The following SYNRG variants were observed in gnomAD, a reference collection of about 807,000 sequenced individuals.
SYNRG encodes AP1 gamma subunit binding protein 1.
Under a neutral mutation model 130.9 loss-of-function variants are expected in SYNRG, and 37 were observed. The ratio of observed to expected loss-of-function variants is 0.28; its 90% CI spans 0.22 to 0.37. The LOEUF (loss-of-function observed/expected upper bound fraction) is 0.37, where lower values mean the gene tolerates loss of function less well. SYNRG is among the 10% of genes least tolerant of loss of function. SYNRG has a pLI of 1.00. For missense variants in SYNRG, 1,338 were observed against 1,588.9 expected (o/e 0.84, Z 2.68); for synonymous variants, 539 against 568.1 (o/e 0.95, Z 0.73).
At chr17:37,594,148 TATGA>T (rs1364408346) in intron 3 of SYNRG, among the ~76,000 whole-genome samples, 1 of 148,192 alleles carries the variant, frequency 6.7e-6, no homozygotes, top group Non-Finnish European at 1.5e-5. Flanking sequence ...AAATAATGTT[TATGA>T]ATATTATTTT....
intron 2 of SYNRG, among the ~76,000 whole-genome samples, chr17:37,598,128 T>G (rs2062938914): frequency 6.6e-6 from 1 of 152,206 alleles, no homozygotes; most frequent in African/African-American, 2.4e-5. Context: ...GTCTTCACTC[T>G]CATGGAACTT....
chr17:37,540,825 C>A (rs1315933091), intron 15 of SYNRG: 1 of 838,908 alleles, frequency 1.2e-6, no homozygotes, highest in Non-Finnish European at 1.5e-6. Flanking sequence ...AGTAGATACA[C>A]GGTTTCATTG....
intron 21 of SYNRG, among the ~76,000 whole-genome samples, chr17:37,519,344 G>C (rs545006436): frequency 4.8e-4 from 73 of 152,236 alleles, no homozygotes; most frequent in South Asian, 1.9e-3. Flanking sequence ...TGGGGTGGAG[G>C]GGGGGAATCA....
chr17:37,549,381 T>G (rs921853261), intron 14 of SYNRG, among the ~76,000 whole-genome samples: 11 of 152,202 alleles, frequency 7.2e-5, no homozygotes, highest in Non-Finnish European at 1.5e-4. Flanking sequence ...TGGCCTACGC[T>G]TGTTGCCACA....
At chr17:37,520,722 C>T in intron 19 of SYNRG, 74 bp from the exon 20 acceptor site, 1 of 1,260,056 alleles carries the variant, frequency 7.9e-7, no homozygotes, top group Non-Finnish European at 1.2e-6. Context: ...CCTCATCACT[C>T]ACCCCCAGCA....
At chr17:37,567,716 G>A (rs924427879) in intron 11 of SYNRG, 4 of 152,192 alleles carry the variant, frequency 2.6e-5, no homozygotes, top group Admixed American at 2.0e-4. Context: ...CAGTGTGTAT[G>A]CAGCAAAGTG....
chr17:37,598,367 C>G (rs1328053223), intron 2 of SYNRG, among the ~76,000 whole-genome samples: 1 of 152,152 alleles, frequency 6.6e-6, no homozygotes, highest in Non-Finnish European at 1.5e-5. Context: ...CCAAAGAACA[C>G]CAAGTACAAA....
At chr17:37,604,944 C>A (rs1020161876) in intron 1 of SYNRG, among the ~76,000 whole-genome samples, 2 of 152,258 alleles carry the variant, frequency 1.3e-5, no homozygotes, top group African/African-American at 4.8e-5. Flanking sequence ...CTGTCTTATA[C>A]GAGCTGGGTT....
At chr17:37,577,111 A>G (rs912574450) in intron 7 of SYNRG, among the ~76,000 whole-genome samples, 2 of 152,246 alleles carry the variant, frequency 1.3e-5, no homozygotes, top group African/African-American at 4.8e-5. Flanking sequence ...TTTATAAAAT[A>G]AAAGGAAAGA....
intron 6 of SYNRG, among the ~76,000 whole-genome samples, chr17:37,580,143 T>G (rs1183293731): frequency 6.6e-6 from 1 of 152,136 alleles, no homozygotes; most frequent in African/African-American, 2.4e-5. Context: ...ATATATACCA[T>G]GATGACTAAA....
chr17:37,546,640 G>GCAACT (rs1448583212), intron 14 of SYNRG, among the ~76,000 whole-genome samples: 1 of 152,204 alleles, frequency 6.6e-6, no homozygotes, highest in African/African-American at 2.4e-5. Flanking sequence ...TGCTACTACA[G>GCAACT]GACACAGACG....
chr17:37,594,358 T>C (rs1427134134), intron 3 of SYNRG, among the ~76,000 whole-genome samples: 1 of 141,984 alleles, frequency 7.0e-6, no homozygotes, highest in Non-Finnish European at 1.5e-5. Flanking sequence ...TTAAAATTTG[T>C]ATCAATTGTT....
chr17:37,571,473 T>C (rs944491036), intron 9 of SYNRG, among the ~76,000 whole-genome samples: 24 of 152,022 alleles, frequency 1.6e-4, no homozygotes, highest in Non-Finnish European at 1.3e-4. Context: ...TCCCAGCTAC[T>C]TGGGAGGCTG....
At chr17:37,529,641 C>A in intron 19 of SYNRG, 1 of 707,652 alleles carries the variant, frequency 1.4e-6, no homozygotes, top group East Asian at 2.9e-5. Context: ...GGAAAAGGTA[C>A]AAAAATGAAA....
In SYNRG at chr17:37,518,929, A is replaced by C; in HGVS notation, c.*11T>G. 1 of 1,608,542 alleles carries C rather than the reference A, an allele frequency of 6.2e-7. No individual in the cohort carries two copies. The highest frequency in any genetic ancestry group is 1.1e-5 in the South Asian group (1 of 89,596). On this transcript the variant is annotated 3_prime_UTR_variant, in exon 22 of 22. Transcript: ENST00000612223. The stretch of plus-strand genomic sequence containing the variant: ...AGAAAAAAAAAAGTCAATGCTTCAC[A>C]GAGGAGTTGTTCAGAGCAGGTCAGG...
intron 6 of SYNRG, among the ~76,000 whole-genome samples, chr17:37,578,173 T>C (rs1185668959): frequency 1.3e-5 from 2 of 151,560 alleles, no homozygotes; most frequent in East Asian, 4.0e-4. Context: ...CTACTAAAAA[T>C]ACAAAAAATT....
intron 1 of SYNRG, among the ~76,000 whole-genome samples, chr17:37,603,082 G>C (rs908110054): frequency 9.2e-5 from 14 of 152,156 alleles, no homozygotes; most frequent in African/African-American, 2.9e-4. Context: ...GCTTTGAAAA[G>C]GAAGTGGGAC....
chr17:37,590,122 G>A (rs367762352), intron 3 of SYNRG, among the ~76,000 whole-genome samples: 2 of 150,194 alleles, frequency 1.3e-5, no homozygotes, highest in South Asian at 4.2e-4. Context: ...AGTGAGCTGA[G>A]ATTGCGCCAC....
At chr17:37,577,356 T>C (rs996160465) in intron 7 of SYNRG, 24 bp downstream of exon 7, 2 of 1,607,402 alleles carry the variant, frequency 1.2e-6, no homozygotes, top group African/African-American at 1.3e-5. Flanking sequence ...AACAAGTTTT[T>C]TGCTGAATGC....
Sources: allele counts gnomAD v4.1 joint callset (sites outside exome capture counted in the v4.1 genomes callset), GRCh38; gene constraint gnomAD v4.1.1; transcripts MANE v1.5; gene names NCBI Gene and HGNC (gene_info 2026-07-23, HGNC 2026-07-21).